MGAT4C: variants seen among roughly 807,000 people sequenced by gnomAD.
The protein encoded by MGAT4C is alpha-1,3-mannosyl-glycoprotein 4-beta-N-acetylglucosaminyltransferase C.
A neutral mutation model predicts 40.1 loss-of-function variants in MGAT4C; 19 were observed. The observed-to-expected ratio is 0.47, with a 90% CI of 0.33 to 0.70. MGAT4C has a LOEUF of 0.70. Among genes scored for constraint, MGAT4C ranks in the 30% least tolerant of loss-of-function variants. The probability of loss-of-function intolerance (pLI) is 0.02; values close to 1 mark genes in which losing one functional copy is unlikely to be tolerated. For synonymous variants in MGAT4C, 181 were observed against 187.1 expected (o/e 0.97, Z 0.27); for missense variants, 491 against 563.2 (o/e 0.87, Z 1.30).
At chr12:86,780,457 C>T (rs1245996536) in intron 1 of MGAT4C, among the ~76,000 whole-genome samples, 2 of 152,090 alleles carry the variant, frequency 1.3e-5, no homozygotes, top group East Asian at 3.9e-4. Flanking sequence ...GGGCAGATTT[C>T]TCCCTTGCTG....
intron 1 of MGAT4C, among the ~76,000 whole-genome samples, chr12:86,742,910 C>A (rs968247300): frequency 6.6e-6 from 1 of 151,616 alleles, no homozygotes; most frequent in Non-Finnish European, 1.5e-5. Context: ...ACTGTACATA[C>A]ATTTGCATAA....
chr12:86,362,231 G>C (rs571948879), intron 3 of MGAT4C, among the ~76,000 whole-genome samples: 1 of 152,070 alleles, frequency 6.6e-6, no homozygotes, highest in South Asian at 2.1e-4. Flanking sequence ...GCAAACTATC[G>C]CAAGGACGGA....
In MGAT4C at chr12:86,033,053, T is replaced by G. The variant is rs944350400; in HGVS notation, c.-7+16621A>C. ...TCTCCATAGCTTGTTTTTGTAGACT[T>G]TTTTCAAGGTCAGATGGTTTTAGCT... On this transcript the variant is annotated intron_variant, in intron 2 of 4. Transcript: ENST00000611864. Among the ~76,000 whole-genome samples the G allele has an allele frequency of 3.3e-5, 5 of 149,696 alleles. No homozygotes were observed. The South Asian group carries it at 8.4e-4, about 25-fold the overall frequency.
At chr12:86,063,798 CAAAG>C (rs1894231208) in intron 1 of MGAT4C, among the ~76,000 whole-genome samples, 1 of 152,166 alleles carries the variant, frequency 6.6e-6, no homozygotes, top group African/African-American at 2.4e-5. Flanking sequence ...TCAAAAGAGA[CAAAG>C]AAGGGCATTA....
intron 2 of MGAT4C, among the ~76,000 whole-genome samples, chr12:86,617,804 A>G (rs1342091514): frequency 6.6e-6 from 1 of 152,204 alleles, no homozygotes; most frequent in Non-Finnish European, 1.5e-5. Context: ...CACTCAAAGT[A>G]CAAGCAACAA....
At chr12:86,614,881 G>T (rs1303610808) in intron 2 of MGAT4C, among the ~76,000 whole-genome samples, 2 of 151,754 alleles carry the variant, frequency 1.3e-5, no homozygotes, top group African/African-American at 4.8e-5. Flanking sequence ...TTTCCCCTAA[G>T]TTGTATAAGA....
intron 4 of MGAT4C, among the ~76,000 whole-genome samples, chr12:86,279,990 T>C (rs1479801365): frequency 1.3e-5 from 2 of 152,096 alleles, no homozygotes; most frequent in South Asian, 2.1e-4. Flanking sequence ...TCAGAGAAGA[T>C]GATTTATATG....
intron 4 of MGAT4C, among the ~76,000 whole-genome samples, chr12:86,307,510 G>C (rs1209840472): frequency 6.7e-6 from 1 of 150,338 alleles, no homozygotes; most frequent in African/African-American, 2.5e-5. Context: ...GGTCTACTTA[G>C]ATGCAAATGG....
At chr12:86,103,618 T>C (rs1347285963) in intron 1 of MGAT4C, among the ~76,000 whole-genome samples, 2 of 152,176 alleles carry the variant, frequency 1.3e-5, no homozygotes, top group Non-Finnish European at 2.9e-5. Flanking sequence ...GGAAGCTGAT[T>C]GATACACATC....
intron 2 of MGAT4C, among the ~76,000 whole-genome samples, chr12:86,565,857 G>C (rs1332346392): frequency 1.3e-5 from 2 of 152,160 alleles, no homozygotes; most frequent in Non-Finnish European, 2.9e-5. Flanking sequence ...TGCCCAGTGG[G>C]CCCAAGAACA....
At chr12:86,350,038 T>C (rs761388025) in intron 3 of MGAT4C, among the ~76,000 whole-genome samples, 11 of 152,096 alleles carry the variant, frequency 7.2e-5, no homozygotes, top group Non-Finnish European at 1.2e-4. Context: ...AAACTTTACC[T>C]ATGTGATTTC....
chr12:86,760,113 C>T (rs1433699668), intron 1 of MGAT4C, among the ~76,000 whole-genome samples: 1 of 151,992 alleles, frequency 6.6e-6, no homozygotes, highest in Non-Finnish European at 1.5e-5. Flanking sequence ...CACAAATAAA[C>T]CCACACATCT....
chr12:86,393,675 C>T (rs1380769099), intron 3 of MGAT4C, among the ~76,000 whole-genome samples: 1 of 152,142 alleles, frequency 6.6e-6, no homozygotes, highest in Non-Finnish European at 1.5e-5. Context: ...ATTCTCTTGG[C>T]AAAATATCCA....
chr12:86,132,807 A>AG (rs1566028928), intron 1 of MGAT4C, among the ~76,000 whole-genome samples: 1 of 151,478 alleles, frequency 6.6e-6, no homozygotes, highest in Non-Finnish European at 1.5e-5. Flanking sequence ...AAAAAAAAAA[A>AG]AAAAAAGAAA....
chr12:86,774,294 T>TCTTC (rs1271043994), intron 1 of MGAT4C, among the ~76,000 whole-genome samples: 1 of 30,418 alleles, frequency 3.3e-5, no homozygotes, highest in African/African-American at 8.4e-5. Context: ...TTTCTTTCTT[T>TCTTC]CTTTCTTTCT....
At chr12:86,056,735 T>C (rs559092335) in intron 1 of MGAT4C, among the ~76,000 whole-genome samples, 16 of 152,274 alleles carry the variant, frequency 1.1e-4, no homozygotes, top group African/African-American at 3.8e-4. Context: ...TTATAATCCG[T>C]TGGGTATATA....
chr12:86,382,788 C>A (rs1955966790), intron 3 of MGAT4C, among the ~76,000 whole-genome samples: 1 of 152,192 alleles, frequency 6.6e-6, no homozygotes, highest in South Asian at 2.1e-4. Flanking sequence ...AAGCCCCAAG[C>A]CTTAGAAGTT....
intron 2 of MGAT4C, among the ~76,000 whole-genome samples, chr12:86,713,218 ATGT>A (rs1305702056): frequency 1.3e-5 from 2 of 152,058 alleles, no homozygotes; most frequent in Admixed American, 1.3e-4. Context: ...GATGGTTTAC[ATGT>A]TGTTTTTTAA....
intron 2 of MGAT4C, among the ~76,000 whole-genome samples, chr12:86,521,917 A>G (rs1000876032): frequency 2.0e-5 from 3 of 151,790 alleles, no homozygotes; most frequent in Admixed American, 6.6e-5. Context: ...TTGTTGTTGT[A>G]GTGTAGGAAT....
Sources: gnomAD v4.1 joint callset for allele counts (sites outside exome capture counted in the v4.1 genomes callset) on GRCh38, gnomAD v4.1.1 for gene constraint, MANE v1.5 for transcripts, NCBI Gene and HGNC (gene_info 2026-07-23, HGNC 2026-07-21) for gene names.